MACF1: variants seen among roughly 807,000 people sequenced by gnomAD.
MACF1 encodes microtubule-actin cross-linking factor 1.
A neutral mutation model predicts 854.8 loss-of-function variants in MACF1; 193 were observed. The observed-to-expected ratio is 0.23, with a 90% confidence interval of 0.20 to 0.25. MACF1 has a LOEUF of 0.25. Among genes scored for constraint, MACF1 ranks in the 10% least tolerant of loss-of-function variants. MACF1 has a pLI of 1.00. For synonymous variants in MACF1, 3,185 were observed against 3,226.7 expected, an observed-to-expected ratio of 0.99 and a Z score of 0.44; for missense variants, 7,722 against 8,929.1, an observed-to-expected ratio of 0.86 and a Z score of 5.45.
chr1:39,301,327 T>C (rs556174536), intron 22 of MACF1, among the ~76,000 whole-genome samples: 11 of 152,094 alleles, frequency 7.2e-5, no homozygotes, highest in African/African-American at 2.4e-4. Context: ...GGGGTTTCAC[T>C]GTGTTAGCCA....
At chr1:39,134,177 A>C (rs1488674791) in intron 2 of MACF1, among the ~76,000 whole-genome samples, 1 of 149,886 alleles carries the variant, frequency 6.7e-6, no homozygotes, top group Non-Finnish European at 1.5e-5. Flanking sequence ...AGTAGCTGGG[A>C]CTACAGGCGC....
chr1:39,434,784 A>C, intron 69 of MACF1, 152 bp downstream of exon 69: 1 of 651,852 alleles, frequency 1.5e-6, no homozygotes, highest in African/African-American at 1.8e-5. Flanking sequence ...CATAATCTGA[A>C]TTATTTCCTT....
chr1:39,201,099 A>G (rs920730714), upstream of MACF1, among the ~76,000 whole-genome samples: 4 of 152,030 alleles, frequency 2.6e-5, no homozygotes, highest in Non-Finnish European at 4.4e-5. Flanking sequence ...TATCCTTTCA[A>G]TTTCTCAGGC....
intron 2 of MACF1, among the ~76,000 whole-genome samples, chr1:39,166,733 G>A (rs193134717): frequency 2.7e-5 from 4 of 150,776 alleles, no homozygotes; most frequent in African/African-American, 4.9e-5. Flanking sequence ...GATTACAGGC[G>A]TGAGCTGTGC....
intron 2 of MACF1, among the ~76,000 whole-genome samples, chr1:39,165,125 G>A (rs149784168): frequency 6.6e-5 from 10 of 152,326 alleles, no homozygotes; most frequent in Non-Finnish European, 1.0e-4. Flanking sequence ...CAATAAGAAA[G>A]TCTCTGCAGC....
intron 2 of MACF1, among the ~76,000 whole-genome samples, chr1:39,111,689 AT>A (rs1184839374): frequency 6.6e-6 from 1 of 151,614 alleles, no homozygotes; most frequent in Non-Finnish European, 1.5e-5. Flanking sequence ...CAATTATTTT[AT>A]TTTTTTTATA....
At chr1:39,185,430 A>G (rs1644155554) in intron 2 of MACF1, among the ~76,000 whole-genome samples, 1 of 152,074 alleles carries the variant, frequency 6.6e-6, no homozygotes, top group Non-Finnish European at 1.5e-5. Context: ...GTTCAAGGCT[A>G]TAGAATAGTG....
chr1:39,110,230 C>CTTTTTTT (rs5773651), intron 2 of MACF1, among the ~76,000 whole-genome samples: 22 of 84,576 alleles, frequency 2.6e-4, no homozygotes, highest in East Asian at 7.0e-4. Flanking sequence ...GGATGTTGTT[C>CTTTTTTT]TTTTTTTTTT....
chr1:39,368,650 C>A (rs1648946939), intron 50 of MACF1, among the ~76,000 whole-genome samples: 1 of 151,924 alleles, frequency 6.6e-6, no homozygotes, highest in South Asian at 2.1e-4. Context: ...TACAGGCGCC[C>A]ACCACCATGC....
intron 18 of MACF1, among the ~76,000 whole-genome samples, chr1:39,294,221 G>T (rs746949834): frequency 6.6e-6 from 1 of 152,086 alleles, no homozygotes; most frequent in African/African-American, 2.4e-5. Context: ...TGTAAAAATG[G>T]GAAGGGAAAT....
chr1:39,412,095 T>C, intron 58 of MACF1: 1 of 1,613,926 alleles, frequency 6.2e-7, no homozygotes, highest in Non-Finnish European at 8.5e-7. Context: ...ATCACAGGGT[T>C]TCTCATGAAG....
rs528904590 is a variant in MACF1, at chr1:39,169,070, C to G, written c.221-62112C>G. Among the ~76,000 whole-genome samples, 5 of 152,338 alleles carry G rather than the reference C, an allele frequency of 3.3e-5. No individual in the cohort carries two copies. In the East Asian group the frequency reaches 9.6e-4, roughly 29 times the overall value. ...TTAACTCTTTTCTCTTCATCAACCC[C>G]ATTTTCAATCTGTCATTGAGTTCTT... On this transcript the variant is annotated intron_variant, in intron 2 of 93. Transcript: ENST00000361689.
intron 35 of MACF1, among the ~76,000 whole-genome samples, chr1:39,326,538 G>T (rs1646614634): frequency 6.6e-6 from 1 of 151,922 alleles, no homozygotes; most frequent in Non-Finnish European, 1.5e-5. Flanking sequence ...AAAATTAGCT[G>T]GGTGTGGTGG....
intron 15 of MACF1, among the ~76,000 whole-genome samples, chr1:39,289,693 C>CTTTT (rs58188740): frequency 0.13 from 3,696 of 28,872 alleles, 1,493 homozygotes; most frequent in Non-Finnish European, 0.17. Context: ...GTGGGTTGTC[C>CTTTT]TTTTTTTTTT....
At position 39,479,882 on chromosome 1, in the gene MACF1, G is replaced by A. The variant is rs751325543; in HGVS notation, c.22043G>A (p.Arg7348Gln). 8.1e-6 allele frequency: 13 copies of A among 1,614,208 alleles called. No individual in the cohort carries two copies. Among genetic ancestry groups the A allele is most frequent in the African/African-American group, 1.3e-5 (1 of 75,050 alleles). ...CAGGGAATGACCCCCTTCCGCTCAC[G>A]GGGTCGAAGGTCCAAACCATCTTCC... ...ASQGMTPFRS[R>Q]GRRSKPSSRA... The change falls in exon 98 of 101, where the codon CGG becomes CAG. Residue 7348 changes from arginine to glutamine, a missense_variant. Physicochemically the swap from Arg to Gln is conservative, Grantham distance 43 (BLOSUM62 1). Coordinates refer to ENST00000564288, the MANE Select transcript of MACF1 (RefSeq NM_001394062.1).
chr1:39,128,352 G>A (rs1410843942), intron 2 of MACF1, among the ~76,000 whole-genome samples: 1 of 152,118 alleles, frequency 6.6e-6, no homozygotes, highest in African/African-American at 2.4e-5. Flanking sequence ...TGAGACTACA[G>A]GACTGCACCA....
At chr1:39,202,135 T>G (rs1296940264), upstream of MACF1, among the ~76,000 whole-genome samples, 2 of 149,514 alleles carry the variant, frequency 1.3e-5, no homozygotes, top group Non-Finnish European at 3.0e-5. Context: ...CCCAGCTAAG[T>G]TTTTGTAATT....
intron 2 of MACF1, among the ~76,000 whole-genome samples, chr1:39,146,509 C>A (rs576674462): frequency 1.3e-5 from 2 of 151,046 alleles, no homozygotes; most frequent in African/African-American, 4.9e-5. Context: ...GAGTACTAGT[C>A]GGCCATAAAA....
In MACF1 at chr1:39,462,166, T is replaced by C; in HGVS notation, c.21678+129T>C. 10 of 880,386 alleles carry C rather than the reference T, an allele frequency of 1.1e-5. No homozygotes were observed. The South Asian group carries it at 1.6e-4, about 14-fold the overall frequency. 54.5% of individuals were successfully genotyped at this position (880,386 alleles called of 1,614,324 possible). ...GGGAGATAATTATTTGGAGTTCTAT[T>C]TTGAGATCTCTTTTTGGATAGCATT... On this transcript the variant is annotated intron_variant, in intron 93 of 100. Coordinates refer to ENST00000564288, the MANE Select transcript of MACF1 (RefSeq NM_001394062.1).
Sources: allele counts gnomAD v4.1 joint callset (sites outside exome capture counted in the v4.1 genomes callset), GRCh38; gene constraint gnomAD v4.1.1; transcripts MANE v1.5; gene names NCBI Gene and HGNC (gene_info 2026-07-23, HGNC 2026-07-21).